CAPN9: variants seen among roughly 807,000 people sequenced by gnomAD.
CAPN9 encodes the protein calpain 9.
A neutral mutation model predicts 92.8 loss-of-function variants in CAPN9; 81 were observed. That is an observed-to-expected ratio of 0.87 (90% CI 0.73 to 1.05). CAPN9 has a LOEUF of 1.05. Ranked by LOEUF, CAPN9 falls within the 50% of genes least tolerant of loss-of-function variation. The probability of loss-of-function intolerance (pLI) is 0.00; values close to 1 mark genes in which losing one functional copy is unlikely to be tolerated. For missense variants in CAPN9, 848 were observed against 866.2 expected (o/e 0.98, Z 0.26); for synonymous variants, 304 against 328.0 (o/e 0.93, Z 0.79).
chr1:230,779,140 AG>A lies in CAPN9; in HGVS notation c.1114+9del. 6.2e-7 allele frequency: 1 copy of A among 1,611,668 alleles called. No homozygotes were observed. Among genetic ancestry groups the A allele is most frequent in the Non-Finnish European group, 8.5e-7 (1 of 1,179,584 alleles). ...GGCTGCCGCAATTTCCTGGGTAGGT[AG>A]GCTGCCTGTCACTCTCTCTGCCACT... On this transcript the variant is annotated splice_region_variant and intron_variant, in intron 9 of 19. Coordinates refer to ENST00000271971, the MANE Select transcript of CAPN9 (RefSeq NM_006615.3).
rs145410369 is a variant in CAPN9, at chr1:230,772,054, G to A, written c.830G>A (p.Arg277Gln). Residue 277 changes from arginine to glutamine, a missense_variant, in exon 7 of 20, where the codon CGG becomes CAG. Physicochemically the swap from Arg to Gln is conservative, Grantham distance 43. Coordinates refer to ENST00000271971, the MANE Select transcript of CAPN9 (RefSeq NM_006615.3). Reference protein sequence around the residue: ...RGQRIELIRIRNPWGQVEWNG... With the variant: ...RGQRIELIRIQNPWGQVEWNG... ...CAGAGAATCGAGCTCATCCGAATCC[G>A]GAACCCTTGGGGCCAGGTTGAGTGG... 14 of 1,614,200 alleles carry A rather than the reference G, an allele frequency of 8.7e-6. No individual in the cohort carries two copies. Among genetic ancestry groups the A allele is most frequent in the South Asian group, 2.2e-5 (2 of 91,076 alleles).
chr1:230,747,531 C>G lies in CAPN9; in HGVS notation c.35C>G (p.Ala12Gly). ...CTCTACCGGGCCCCAGGGCCTCAGG[C>G]ACACCCGGTTCCCAAGGACGCCCGG... ...PYLYRAPGPQ[A>G]HPVPKDARIT... is the part of the protein sequence containing the mutation. Residue 12 changes from alanine to glycine, a missense_variant, in exon 1 of 20, where the codon GCA becomes GGA. Coordinates refer to ENST00000271971, the MANE Select transcript of CAPN9 (RefSeq NM_006615.3). 6.2e-7 allele frequency: 1 copy of G among 1,614,186 alleles called. No homozygotes were observed. Among genetic ancestry groups the G allele is most frequent in the South Asian group, 1.1e-5 (1 of 91,084 alleles).
intron 18 of CAPN9, among the ~76,000 whole-genome samples, chr1:230,797,875 G>C (rs1020128332): frequency 6.6e-6 from 1 of 152,202 alleles, no homozygotes; most frequent in Non-Finnish European, 1.5e-5. Context: ...CCCCCAGAAG[G>C]TTAAGATAGG....
chr1:230,801,943 T>C lies in CAPN9; in HGVS notation c.*347T>C. ...CACAGAATCCTGACTTCCATGTAGC[T>C]CCAGTCATTGTGATCAGACATCCTT... On this transcript the variant is annotated 3_prime_UTR_variant, in exon 20 of 20. Transcript: ENST00000271971. 3.1e-6 allele frequency: 1 copy of C among 325,060 alleles called. No individual in the cohort carries two copies. Among genetic ancestry groups the C allele is most frequent in the Non-Finnish European group, 5.7e-6 (1 of 175,270 alleles). The allele number at this position is 325,060 out of a possible 1,614,324, so 20.1% of individuals were successfully genotyped here. A position where few individuals can be genotyped will look rare whatever the true frequency, so the allele number is the denominator to read the frequency against.
intron 19 of CAPN9, among the ~76,000 whole-genome samples, chr1:230,800,776 T>C (rs1489280079): frequency 2.0e-5 from 3 of 152,206 alleles, no homozygotes; most frequent in Non-Finnish European, 4.4e-5. Context: ...AGCATTGTTT[T>C]TCTTTAATCC....
At chr1:230,771,144 G>T (rs1009700218) in intron 6 of CAPN9, among the ~76,000 whole-genome samples, 1 of 152,156 alleles carries the variant, frequency 6.6e-6, no homozygotes, top group African/African-American at 2.4e-5. Flanking sequence ...GAACTCACCT[G>T]CCCTGAACCT....
chr1:230,799,568 T>G (rs12742421), intron 19 of CAPN9, among the ~76,000 whole-genome samples: 27,254 of 152,180 alleles, frequency 0.18, 2,659 homozygotes, highest in Non-Finnish European at 0.23. Context: ...ATAAATAGTA[T>G]CTCAAAAATA....
intron 1 of CAPN9, among the ~76,000 whole-genome samples, chr1:230,751,605 GAAAGAGAAAGAA>G (rs1472004883): frequency 0.095 from 2,720 of 28,764 alleles, 50 homozygotes; most frequent in African/African-American, 0.1. Context: ...AAGAAAGAAA[GAAAGAGAAAGAA>G]AGAAAGAAAG....
At chr1:230,769,618 TATCTATCTATC>T (rs1666250238) in intron 6 of CAPN9, among the ~76,000 whole-genome samples, 8 of 5,454 alleles carry the variant, frequency 1.5e-3, no homozygotes, top group Admixed American at 5.5e-3. Context: ...CACACACACC[TATCTATCTATC>T]TATCTATCTA....
intron 4 of CAPN9, among the ~76,000 whole-genome samples, chr1:230,763,110 CG>C (rs1157589403): frequency 7.2e-5 from 11 of 152,204 alleles, no homozygotes; most frequent in Non-Finnish European, 1.6e-4. Flanking sequence ...ACACTTCCCT[CG>C]GACACTGGCA....
At chr1:230,773,200 A>G (rs918902584) in intron 7 of CAPN9, among the ~76,000 whole-genome samples, 1 of 152,062 alleles carries the variant, frequency 6.6e-6, no homozygotes, top group Non-Finnish European at 1.5e-5. Context: ...CCAGGCTGTC[A>G]TTGTCCCCAT....
chr1:230,801,748 A>G lies in CAPN9; in HGVS notation c.*152A>G. 3 of 748,056 alleles carry G rather than the reference A, an allele frequency of 4.0e-6. No individual in the cohort carries two copies. The highest frequency in any genetic ancestry group is 3.1e-5 in the South Asian group (2 of 64,360). 46.3% of individuals were successfully genotyped at this position (748,056 alleles called of 1,614,324 possible). A position where few individuals can be genotyped will look rare whatever the true frequency, so the allele number is the denominator to read the frequency against. On this transcript the variant is annotated 3_prime_UTR_variant, in exon 20 of 20. Coordinates refer to ENST00000271971, the MANE Select transcript of CAPN9 (RefSeq NM_006615.3). Reference sequence around the variant, plus strand: ...CCTTCATCTTGATCTGGGAAGAATGAAATGAACTCAGCTACACTCTCTGAT... The same window carrying G: ...CCTTCATCTTGATCTGGGAAGAATGGAATGAACTCAGCTACACTCTCTGAT...
intron 1 of CAPN9, among the ~76,000 whole-genome samples, chr1:230,748,826 T>A (rs1319795881): frequency 6.6e-6 from 1 of 152,218 alleles, no homozygotes; most frequent in Non-Finnish European, 1.5e-5. Context: ...CAATTTTTTT[T>A]AACGCACATT....
chr1:230,768,010 TAATAAATAAATAAATAAATA>T (rs71563451), intron 5 of CAPN9, among the ~76,000 whole-genome samples: 18,859 of 139,558 alleles, frequency 0.14, 1,516 homozygotes, highest in South Asian at 0.28. Flanking sequence ...ACTTAAAGTA[TAATAAATAAATAAATAAATA>T]AATAAATAAA....
At chr1:230,787,375 C>T in intron 12 of CAPN9, 147 bp from the exon 13 acceptor site, 1 of 622,914 alleles carries the variant, frequency 1.6e-6, no homozygotes, top group Non-Finnish European at 2.8e-6. Flanking sequence ...GAAAATGTTC[C>T]TCACGCTACA....
intron 8 of CAPN9, 100 bp downstream of exon 8, chr1:230,774,731 CTTTCTTTCTT>C (rs1666627076): frequency 7.9e-6 from 5 of 634,390 alleles, no homozygotes; most frequent in Non-Finnish European, 1.3e-5. Context: ...CTTTTTCTTT[CTTTCTTTCTT>C]TTTTTTTTTT....
chr1:230,754,363 A>G (rs1462371490), intron 1 of CAPN9, among the ~76,000 whole-genome samples: 1 of 152,072 alleles, frequency 6.6e-6, no homozygotes, highest in Non-Finnish European at 1.5e-5. Flanking sequence ...TGTATTAATG[A>G]TTACATTAAT....
At chr1:230,799,817 G>T (rs1264337957) in intron 19 of CAPN9, among the ~76,000 whole-genome samples, 1 of 152,192 alleles carries the variant, frequency 6.6e-6, no homozygotes, top group East Asian at 1.9e-4. Context: ...AGGATTGCTT[G>T]AGGCCAGGGG....
At chr1:230,762,609 A>G (rs1438365370) in intron 3 of CAPN9, 44 bp from the exon 4 acceptor site, 11 of 1,606,488 alleles carry the variant, frequency 6.8e-6, no homozygotes, top group East Asian at 4.5e-5. Flanking sequence ...TGGAGCTCCC[A>G]TGTAGCTGAC....
Sources: gnomAD v4.1 joint callset for allele counts (sites outside exome capture counted in the v4.1 genomes callset) on GRCh38, gnomAD v4.1.1 for gene constraint, MANE v1.5 for transcripts, NCBI Gene and HGNC (gene_info 2026-07-23, HGNC 2026-07-21) for gene names.